Variants in NIPSNAP2 observed in about 807,000 individuals in gnomAD.
NIPSNAP2 encodes the protein nipsnap homolog 2, also known as protein NipSnap homolog 2.
NIPSNAP2 carries 42 observed loss-of-function variants against 48.4 expected under a neutral mutation model. That is an observed-to-expected ratio of 0.87 (90% CI 0.68 to 1.12). The LOEUF (loss-of-function observed/expected upper bound fraction) is 1.12. NIPSNAP2 is among the 50% of genes most tolerant of loss of function. NIPSNAP2 has a pLI of 0.00. For synonymous variants in NIPSNAP2, 158 were observed against 126.6 expected (o/e 1.25, Z -1.67); for missense variants, 314 against 347.3 (o/e 0.90, Z 0.76).
At position 55,978,207 on chromosome 7, in the gene NIPSNAP2, A is replaced by G. The variant is rs1222278680; in HGVS notation, c.174A>G (p.Lys58=). ...TTGTCCGGAAAGTTGATCCAAGAAA[A>G]GATGCCCACTCCAATCTCCTAGCCA... ...SLFVRKVDPR[K]DAHSNLLAKK... The change falls in exon 2 of 10, where the codon AAA becomes AAG. Residue 58 remains lysine, a synonymous_variant. Transcript: ENST00000322090. 1 of 1,614,084 alleles carries G rather than the reference A, an allele frequency of 6.2e-7. No homozygotes were observed. The highest frequency in any genetic ancestry group is 1.3e-5 in the African/African-American group (1 of 74,948).
intron 8 of NIPSNAP2, among the ~76,000 whole-genome samples, 174 bp from the exon 9 acceptor site, chr7:55,997,192 T>G (rs1263107188): frequency 6.6e-6 from 1 of 151,886 alleles, no homozygotes; most frequent in Non-Finnish European, 1.5e-5. Context: ...AGTTTGCTTT[T>G]CCCACGTGGC....
chr7:55,986,720 C>CA (rs35370438), intron 7 of NIPSNAP2, among the ~76,000 whole-genome samples: 17,740 of 151,662 alleles, frequency 0.12, 1,700 homozygotes, highest in African/African-American at 0.25. Context: ...ATTAAAAAGA[C>CA]AAGTCATATA....
intron 7 of NIPSNAP2, among the ~76,000 whole-genome samples, chr7:55,993,108 G>C (rs1019316033): frequency 9.9e-5 from 15 of 152,082 alleles, no homozygotes; most frequent in Admixed American, 9.8e-4. Context: ...AGACCAGCCT[G>C]GCCAATGTGG....
At chr7:55,990,111 T>G (rs1030913609) in intron 7 of NIPSNAP2, among the ~76,000 whole-genome samples, 8 of 152,002 alleles carry the variant, frequency 5.3e-5, no homozygotes, top group South Asian at 4.2e-4. Context: ...TTTTGAAACA[T>G]TGGGATAGTT....
chr7:55,966,528 A>G (rs1786898255), intron 1 of NIPSNAP2, among the ~76,000 whole-genome samples: 1 of 152,166 alleles, frequency 6.6e-6, no homozygotes, highest in African/African-American at 2.4e-5. Flanking sequence ...TCAGGCTGTA[A>G]TCCCAGCACT....
intron 7 of NIPSNAP2, among the ~76,000 whole-genome samples, chr7:55,992,056 G>T (rs1383179551): frequency 1.3e-5 from 2 of 152,012 alleles, no homozygotes; most frequent in Non-Finnish European, 2.9e-5. Flanking sequence ...TATAATTTCT[G>T]TGAAGATATT....
chr7:55,982,154 C>T, intron 4 of NIPSNAP2, 56 bp from the exon 5 acceptor site: 1 of 1,117,996 alleles, frequency 8.9e-7, no homozygotes, highest in Non-Finnish European at 1.4e-6. Context: ...AGAACATTTT[C>T]AAGTAGTAGT....
intron 9 of NIPSNAP2, among the ~76,000 whole-genome samples, chr7:55,998,196 T>G (rs1264842874): frequency 6.7e-6 from 1 of 150,240 alleles, no homozygotes; most frequent in Non-Finnish European, 1.5e-5. Context: ...ACCTGGGAGG[T>G]GGAGATTGTG....
chr7:55,984,818 TAACA>T (rs750041277), intron 6 of NIPSNAP2, 25 bp from the exon 7 acceptor site: 14 of 1,595,286 alleles, frequency 8.8e-6, no homozygotes, highest in Admixed American at 1.7e-5. Context: ...ACAGAAGAAC[TAACA>T]AACCAAATCT....
intron 1 of NIPSNAP2, among the ~76,000 whole-genome samples, chr7:55,971,637 AT>A (rs1009671258): frequency 6.7e-6 from 1 of 150,270 alleles, no homozygotes; most frequent in African/African-American, 2.4e-5. Flanking sequence ...TACTCTTTTT[AT>A]TTTTTTTTGT....
intron 3 of NIPSNAP2, 128 bp from the exon 4 acceptor site, chr7:55,981,345 C>T (rs1419076753): frequency 3.1e-6 from 2 of 655,738 alleles, no homozygotes; most frequent in African/African-American, 1.8e-5. Flanking sequence ...GCCGTTTTAT[C>T]ATGATGTTCT....
At chr7:55,988,100 A>G (rs867463394) in intron 7 of NIPSNAP2, among the ~76,000 whole-genome samples, 1 of 152,180 alleles carries the variant, frequency 6.6e-6, no homozygotes. Flanking sequence ...CATCTCTACA[A>G]AAAATACAAA....
chr7:55,982,319 T>G (rs1488508471), intron 5 of NIPSNAP2, 39 bp downstream of exon 5: 2 of 1,158,462 alleles, frequency 1.7e-6, no homozygotes, highest in African/African-American at 3.1e-5. Flanking sequence ...ACTAATGATA[T>G]ATAGATGTTA....
At chr7:55,986,753 C>T (rs1415625898) in intron 7 of NIPSNAP2, among the ~76,000 whole-genome samples, 1 of 151,720 alleles carries the variant, frequency 6.6e-6, no homozygotes, top group Non-Finnish European at 1.5e-5. Context: ...ATTTGCAAAT[C>T]ATATGTCTGA....
At chr7:55,976,145 A>G (rs1301639174) in intron 1 of NIPSNAP2, among the ~76,000 whole-genome samples, 1 of 152,090 alleles carries the variant, frequency 6.6e-6, no homozygotes, top group African/African-American at 2.4e-5. Flanking sequence ...AGGCCCAGTC[A>G]TGTTCCCCAG....
At chr7:55,969,923 C>G (rs972667949) in intron 1 of NIPSNAP2, among the ~76,000 whole-genome samples, 1 of 147,288 alleles carries the variant, frequency 6.8e-6, no homozygotes, top group Non-Finnish European at 1.5e-5. Flanking sequence ...GCGGAACTTG[C>G]AGTGAGCCGA....
intron 8 of NIPSNAP2, among the ~76,000 whole-genome samples, chr7:55,996,848 T>G (rs1343407557): frequency 6.6e-6 from 1 of 151,882 alleles, no homozygotes; most frequent in Non-Finnish European, 1.5e-5. Flanking sequence ...GGCAACATAG[T>G]GAGACCCCAT....
intron 7 of NIPSNAP2, among the ~76,000 whole-genome samples, chr7:55,986,016 C>G (rs1029281578): frequency 6.6e-6 from 1 of 151,642 alleles, no homozygotes; most frequent in African/African-American, 2.4e-5. Flanking sequence ...CCACTGTGCT[C>G]TAGCCTAGGT....
chr7:55,964,791 G>A (rs1394688729), intron 1 of NIPSNAP2, 90 bp downstream of exon 1: 4 of 616,918 alleles, frequency 6.5e-6, no homozygotes, highest in African/African-American at 2.0e-5. Flanking sequence ...CTCCGCCCCG[G>A]CCCTGTCCCC....
Sources: allele counts gnomAD v4.1 joint callset (sites outside exome capture counted in the v4.1 genomes callset), GRCh38; gene constraint gnomAD v4.1.1; transcripts MANE v1.5; gene names NCBI Gene and HGNC (gene_info 2026-07-23, HGNC 2026-07-21).